Variants in ADAMTS20 observed in about 807,000 individuals in gnomAD.
ADAMTS20 encodes the protein ADAM metallopeptidase with thrombospondin type 1 motif 20.
Under a neutral mutation model 260.1 loss-of-function variants are expected in ADAMTS20, and 225 were observed. The ratio of observed to expected loss-of-function variants is 0.87; its 90% confidence interval spans 0.78 to 0.97. ADAMTS20 has a LOEUF of 0.97. Ranked by LOEUF, ADAMTS20 falls within the 50% of genes least tolerant of loss-of-function variation. The pLI, the probability that ADAMTS20 is intolerant of heterozygous loss-of-function variation, is 0.00. For missense variants in ADAMTS20, 2,400 were observed against 2,337.7 expected, an observed-to-expected ratio of 1.03 and a Z score of -0.55; for synonymous variants, 802 against 769.5, an observed-to-expected ratio of 1.04 and a Z score of -0.70.
Position 43,376,049 on chromosome 12 carries a change from T to A in ADAMTS20, c.5312+8A>T. 6.3e-7 allele frequency: 1 copy of A among 1,591,878 alleles called. No individual in the cohort carries two copies. The highest frequency in any genetic ancestry group is 8.5e-7 in the Non-Finnish European group (1 of 1,170,706). On this transcript the variant is annotated splice_region_variant and intron_variant, in intron 35 of 38. Coordinates refer to ENST00000389420, the MANE Select transcript of ADAMTS20 (RefSeq NM_025003.5). ...AAATGCTCAGATAGACCAAAACACA[T>A]CTCGTACCTAAAGCCATACACTTCA... is the stretch of plus-strand genomic sequence containing the variant.
rs557133258 is a variant in ADAMTS20 at position 43,463,247 on chromosome 12, G to A, written c.1510-248C>T. On this transcript the variant is annotated intron_variant, in intron 10 of 38. Transcript: ENST00000389420. ...ATACATTGAATAGGAGTTATGAATT[G>A]GAGTGGAAATTTTCAAAATTATTTG... Among the ~76,000 whole-genome samples, 6 of 152,100 alleles carry A rather than the reference G, an allele frequency of 3.9e-5. No individual in the cohort carries two copies. In the South Asian group the frequency reaches 8.3e-4, roughly 21 times the overall value.
At chr12:43,456,557 T>G (rs1036991225) in intron 11 of ADAMTS20, among the ~76,000 whole-genome samples, 4 of 152,174 alleles carry the variant, frequency 2.6e-5, no homozygotes, top group African/African-American at 9.7e-5. Context: ...TCCTCGGTGC[T>G]GCAAAGAAAT....
intron 38 of ADAMTS20, 118 bp downstream of exon 38, chr12:43,356,366 T>C: frequency 1.6e-6 from 1 of 608,544 alleles, no homozygotes; most frequent in Non-Finnish European, 2.9e-6. Flanking sequence ...ACCCATTATA[T>C]GCAATATCTC....
At chr12:43,452,791 C>T in intron 12 of ADAMTS20, 96 bp from the exon 13 acceptor site, 3 of 1,150,880 alleles carry the variant, frequency 2.6e-6, no homozygotes, top group Non-Finnish European at 3.6e-6. Flanking sequence ...TCTAGAAAAC[C>T]AGTGAAGTCC....
chr12:43,448,856 C>A (rs1178705636), intron 14 of ADAMTS20, among the ~76,000 whole-genome samples: 1 of 151,926 alleles, frequency 6.6e-6, no homozygotes. Flanking sequence ...TAAGAGAAGA[C>A]ATACATGCAG....
At chr12:43,496,611 C>T (rs531423490) in intron 4 of ADAMTS20, among the ~76,000 whole-genome samples, 1 of 152,264 alleles carries the variant, frequency 6.6e-6, no homozygotes, top group African/African-American at 2.4e-5. Context: ...AGTTGTTCAA[C>T]CCTGGAAAAT....
rs1940235965 is a variant in ADAMTS20 at position 43,376,641 on chromosome 12, A to C, written c.5008T>G (p.Cys1670Gly). The C allele has an allele frequency of 6.2e-7, 1 of 1,611,854 alleles. No individual in the cohort carries two copies. Among genetic ancestry groups the C allele is most frequent in the African/African-American group, 1.3e-5 (1 of 74,808 alleles). ...VGKWSKCSVT[C>G]GIGIMKRQVK... is the part of the protein sequence containing the mutation. Reference sequence around the variant, plus strand: ...TGTCTCTTCATTATCCCAATTCCACAAGTCACTGAGCACTGTGAAAAGAGT... The same window carrying C: ...TGTCTCTTCATTATCCCAATTCCACCAGTCACTGAGCACTGTGAAAAGAGT... The change falls in exon 33 of 39, where the codon TGT becomes GGT. Residue 1670 changes from cysteine to glycine, a missense_variant. Cys to Gly is a radical substitution (Grantham distance 159). Coordinates refer to ENST00000389420, the MANE Select transcript of ADAMTS20 (RefSeq NM_025003.5).
chr12:43,386,551 G>A (rs920962758), intron 29 of ADAMTS20, among the ~76,000 whole-genome samples: 2 of 152,108 alleles, frequency 1.3e-5, no homozygotes, highest in African/African-American at 4.8e-5. Flanking sequence ...GGTTGGGGAC[G>A]TTCTCCTGAA....
chr12:43,477,993 C>T (rs1465739214), intron 7 of ADAMTS20, among the ~76,000 whole-genome samples: 2 of 151,968 alleles, frequency 1.3e-5, no homozygotes, highest in African/African-American at 4.8e-5. Flanking sequence ...TAAATATAAG[C>T]TCAAAATCAA....
intron 2 of ADAMTS20, among the ~76,000 whole-genome samples, chr12:43,538,501 T>C (rs1943327882): frequency 6.6e-6 from 1 of 152,238 alleles, no homozygotes; most frequent in Admixed American, 6.5e-5. Flanking sequence ...TCCTTTGCTG[T>C]GCAGAAGCTT....
intron 37 of ADAMTS20, among the ~76,000 whole-genome samples, chr12:43,362,715 G>T (rs1175442732): frequency 1.3e-5 from 2 of 150,330 alleles, no homozygotes; most frequent in Non-Finnish European, 3.0e-5. Context: ...ATTTATTCAA[G>T]AAGAAAATCA....
chr12:43,432,824 T>C lies in ADAMTS20; in HGVS notation c.2721-13A>G, dbSNP rs1941475947. 1 of 1,597,962 alleles carries C rather than the reference T, an allele frequency of 6.3e-7. No homozygotes were observed. Among genetic ancestry groups the C allele is most frequent in the East Asian group, 2.2e-5 (1 of 44,774 alleles). ...AATAACATGCCACCTTGAAAAAAGA[T>C]GTTACTATACTTAGGAGGTATATTA... On this transcript the variant is annotated splice_polypyrimidine_tract_variant and intron_variant, in intron 19 of 38. Transcript: ENST00000389420.
intron 2 of ADAMTS20, among the ~76,000 whole-genome samples, chr12:43,549,886 A>T (rs1188039633): frequency 6.6e-6 from 1 of 152,210 alleles, no homozygotes; most frequent in East Asian, 1.9e-4. Context: ...AATGTTATCA[A>T]TTTTTTATTT....
rs1015134042 is a variant in ADAMTS20, at chr12:43,405,667, C to T, written c.4285-6434G>A. ...ATTGTTGTTATTAAACAAAAAATGA[C>T]GACAAGAAAATACAAAACTGAGTAA... is the stretch of plus-strand genomic sequence containing the variant. On this transcript the variant is annotated intron_variant, in intron 28 of 38. Coordinates refer to ENST00000389420, the MANE Select transcript of ADAMTS20 (RefSeq NM_025003.5). Among the ~76,000 whole-genome samples, 14 of 151,790 alleles carry T rather than the reference C, an allele frequency of 9.2e-5. 1 individual carries two copies. The highest frequency in any genetic ancestry group is 6.2e-4 in the South Asian group (3 of 4,814).
At chr12:43,485,487 G>A (rs1334595573) in intron 7 of ADAMTS20, among the ~76,000 whole-genome samples, 4 of 152,042 alleles carry the variant, frequency 2.6e-5, no homozygotes, top group Admixed American at 2.6e-4. Flanking sequence ...AAAGCTGAAA[G>A]CATTCTCCCT....
chr12:43,471,042 G>A (rs1413370137), intron 7 of ADAMTS20, among the ~76,000 whole-genome samples: 3 of 152,162 alleles, frequency 2.0e-5, no homozygotes, highest in African/African-American at 4.8e-5. Context: ...CGACGCAGAA[G>A]ACGGGTGATT....
chr12:43,433,029 CCTCA>C (rs573795624), intron 19 of ADAMTS20, among the ~76,000 whole-genome samples: 222 of 152,220 alleles, frequency 1.5e-3, no homozygotes, highest in Non-Finnish European at 2.9e-3. Context: ...CCCCAAGCTT[CCTCA>C]AAAACCTCTG....
chr12:43,382,681 G>GA (rs1387355187), intron 31 of ADAMTS20, among the ~76,000 whole-genome samples: 1 of 151,274 alleles, frequency 6.6e-6, no homozygotes, highest in African/African-American at 2.4e-5. Context: ...AAAAATTCAA[G>GA]AAAAAAATAA....
intron 28 of ADAMTS20, chr12:43,422,952 T>C (rs1941262959): frequency 6.6e-6 from 1 of 151,982 alleles, no homozygotes; most frequent in African/African-American, 2.4e-5. Context: ...TACATAAACA[T>C]TGCATGAATA....
Sources: allele counts gnomAD v4.1 joint callset (sites outside exome capture counted in the v4.1 genomes callset), GRCh38; gene constraint gnomAD v4.1.1; transcripts MANE v1.5; gene names NCBI Gene and HGNC (gene_info 2026-07-23, HGNC 2026-07-21).